The following TLN2 variants were observed in gnomAD, a reference collection of about 807,000 sequenced individuals.
TLN2 encodes the protein talin 2.
TLN2 carries 118 observed loss-of-function variants against 294.7 expected under a neutral mutation model. The ratio of observed to expected loss-of-function variants is 0.40; its 90% CI spans 0.34 to 0.47. The LOEUF is 0.47. Ranked by LOEUF, TLN2 falls within the 20% of genes least tolerant of loss-of-function variation. TLN2 has a pLI of 0.84. For missense variants in TLN2, 3,083 were observed against 3,282.2 expected (o/e 0.94, Z 1.48); for synonymous variants, 1,431 against 1,304.5 (o/e 1.10, Z -2.09).
At position 62,690,351 on chromosome 15, in the gene TLN2, G is replaced by A. The variant is rs1440230553; in HGVS notation, c.1114-2489G>A. Reference sequence around the variant, plus strand: ...CAGACGGGGTCGCGGCCGGGCAGAGGCGCTCCTCACCTCCCAGACGGGGCG... The same window carrying A: ...CAGACGGGGTCGCGGCCGGGCAGAGACGCTCCTCACCTCCCAGACGGGGCG... On this transcript the variant is annotated intron_variant, in intron 12 of 58. Coordinates refer to ENST00000636159, the MANE Select transcript of TLN2 (RefSeq NM_015059.3). The A allele has an allele frequency of 1.8e-4, 28 of 153,878 alleles. 1 individual carries two copies. The highest frequency in any genetic ancestry group is 6.5e-4 in the African/African-American group (24 of 36,944). The allele number at this position is 153,878 out of a possible 1,614,324, so 9.5% of individuals were successfully genotyped here.
chr15:62,478,211 C>T (rs905571015), intron 1 of TLN2, among the ~76,000 whole-genome samples: 1 of 152,184 alleles, frequency 6.6e-6, no homozygotes, highest in African/African-American at 2.4e-5. Context: ...CGAGAGTGTG[C>T]AGTCAGGATC....
At chr15:62,522,750 T>C (rs1183243659) in intron 1 of TLN2, among the ~76,000 whole-genome samples, 1 of 152,000 alleles carries the variant, frequency 6.6e-6, no homozygotes, top group Non-Finnish European at 1.5e-5. Flanking sequence ...AGCTGACATT[T>C]TGAGGACAGG....
At chr15:62,409,527 G>T (rs1737568750) in intron 1 of TLN2, among the ~76,000 whole-genome samples, 1 of 152,078 alleles carries the variant, frequency 6.6e-6, no homozygotes, top group South Asian at 2.1e-4. Flanking sequence ...TTTTATAAAA[G>T]CTCATGCAAT....
chr15:62,533,821 G>A (rs571613846), intron 1 of TLN2, among the ~76,000 whole-genome samples: 4 of 152,234 alleles, frequency 2.6e-5, no homozygotes, highest in East Asian at 3.9e-4. Context: ...GTGTAGAAGG[G>A]CCCCATGCAG....
intron 51 of TLN2, among the ~76,000 whole-genome samples, chr15:62,806,709 G>C (rs1021334891): frequency 2.0e-5 from 3 of 152,184 alleles, no homozygotes; most frequent in Non-Finnish European, 4.4e-5. Flanking sequence ...AACTATAAGA[G>C]CCCCCACCCT....
intron 1 of TLN2, among the ~76,000 whole-genome samples, chr15:62,532,529 C>T (rs1193593923): frequency 2.0e-5 from 3 of 152,210 alleles, no homozygotes; most frequent in Admixed American, 6.5e-5. Context: ...CCCACTGTCC[C>T]TGTTGGCAGC....
At chr15:62,624,488 T>G (rs1395714762) in intron 3 of TLN2, among the ~76,000 whole-genome samples, 1 of 152,234 alleles carries the variant, frequency 6.6e-6, no homozygotes, top group Admixed American at 6.5e-5. Flanking sequence ...TGTGCTGTTT[T>G]ACAGCTTTGT....
chr15:62,678,986 A>T (rs189583521), intron 11 of TLN2, among the ~76,000 whole-genome samples: 35 of 151,712 alleles, frequency 2.3e-4, no homozygotes, highest in Admixed American at 2.3e-3. Flanking sequence ...AATTACTATG[A>T]CTTGTAGCTA....
chr15:62,556,473 A>C (rs1336594809), intron 1 of TLN2, among the ~76,000 whole-genome samples: 1 of 151,322 alleles, frequency 6.6e-6, no homozygotes. Flanking sequence ...TATCTGGCTA[A>C]TTTTTTGTAC....
At chr15:62,596,348 T>C (rs1473783711) in intron 2 of TLN2, among the ~76,000 whole-genome samples, 14 of 151,968 alleles carry the variant, frequency 9.2e-5, no homozygotes, top group Admixed American at 9.2e-4. Context: ...CGTTAACATA[T>C]GTTAACTAGC....
At chr15:62,640,347 G>A (rs879156252) in intron 3 of TLN2, 11 of 456,816 alleles carry the variant, frequency 2.4e-5, no homozygotes, top group African/African-American at 6.0e-5. Context: ...AGGAGGTCAC[G>A]GTGGAGAGTG....
chr15:62,649,551 T>G (rs183901421), intron 4 of TLN2, among the ~76,000 whole-genome samples: 28 of 152,058 alleles, frequency 1.8e-4, no homozygotes, highest in Non-Finnish European at 3.2e-4. Flanking sequence ...TTTACATGAT[T>G]TGTTGGTGGT....
intron 37 of TLN2, among the ~76,000 whole-genome samples, chr15:62,758,381 G>C (rs972305031): frequency 6.6e-6 from 1 of 152,248 alleles, no homozygotes; most frequent in Admixed American, 6.5e-5. Context: ...GTCTCTCCGA[G>C]TCACCACATA....
chr15:62,440,526 G>T (rs1032936577), intron 1 of TLN2, among the ~76,000 whole-genome samples: 4 of 152,074 alleles, frequency 2.6e-5, no homozygotes, highest in African/African-American at 9.7e-5. Context: ...CTAACGGGTG[G>T]GGTGGTGTTT....
At chr15:62,783,454 G>A (rs1433817004) in intron 44 of TLN2, among the ~76,000 whole-genome samples, 1 of 152,240 alleles carries the variant, frequency 6.6e-6, no homozygotes, top group Non-Finnish European at 1.5e-5. Flanking sequence ...ACCTGCCAGA[G>A]GGTGGGCCCT....
intron 29 of TLN2, 27 bp downstream of exon 29, chr15:62,737,113 T>A (rs1315624415): frequency 1.2e-6 from 2 of 1,612,206 alleles, no homozygotes; most frequent in Non-Finnish European, 1.7e-6. Flanking sequence ...GAAATTGTGG[T>A]TGTCATGGTC....
chr15:62,427,567 TG>T (rs2034784199), intron 1 of TLN2, among the ~76,000 whole-genome samples: 1 of 152,138 alleles, frequency 6.6e-6, no homozygotes, highest in South Asian at 2.1e-4. Context: ...CTTGCTGGGC[TG>T]GGGGGTGGAT....
At chr15:62,786,190 C>T (rs1320809709) in intron 45 of TLN2, among the ~76,000 whole-genome samples, 1 of 152,232 alleles carries the variant, frequency 6.6e-6, no homozygotes, top group Non-Finnish European at 1.5e-5. Flanking sequence ...GTTTTTTATT[C>T]CAAGATCGTG....
At chr15:62,445,292 A>G (rs1304361995) in intron 1 of TLN2, among the ~76,000 whole-genome samples, 2 of 152,186 alleles carry the variant, frequency 1.3e-5, no homozygotes, top group Non-Finnish European at 2.9e-5. Flanking sequence ...GAGGTCTTGA[A>G]TCTGTATTAG....
Sources: gnomAD v4.1 joint callset for allele counts (sites outside exome capture counted in the v4.1 genomes callset) on GRCh38, gnomAD v4.1.1 for gene constraint, MANE v1.5 for transcripts, NCBI Gene and HGNC (gene_info 2026-07-23, HGNC 2026-07-21) for gene names.